DYNC2H1: variants seen among roughly 807,000 people sequenced by gnomAD.
DYNC2H1 encodes dynein cytoplasmic 2 heavy chain 1.
In DYNC2H1, 410 loss-of-function variants were observed where a neutral mutation model predicts 570.0. The ratio of observed to expected loss-of-function variants is 0.72; its 90% CI spans 0.66 to 0.78. DYNC2H1 has a LOEUF of 0.78. Among genes scored for constraint, DYNC2H1 ranks in the 30% least tolerant of loss-of-function variants. DYNC2H1 has a pLI of 0.00. For missense variants in DYNC2H1, 4,865 were observed against 5,046.4 expected (o/e 0.96, Z 1.09); for synonymous variants, 1,688 against 1,677.6 (o/e 1.01, Z -0.15).
chr11:103,449,787 T>A (rs967699871), intron 85 of DYNC2H1, among the ~76,000 whole-genome samples: 2 of 152,128 alleles, frequency 1.3e-5, no homozygotes, highest in Non-Finnish European at 2.9e-5. Context: ...AACACTGAAA[T>A]GTTTACCTAC....
chr11:103,422,352 T>C (rs1198410259), intron 84 of DYNC2H1, among the ~76,000 whole-genome samples: 5 of 152,064 alleles, frequency 3.3e-5, no homozygotes, highest in Non-Finnish European at 1.5e-5. Context: ...AAAGCCAACA[T>C]CATGCTGACA....
intron 11 of DYNC2H1, among the ~76,000 whole-genome samples, chr11:103,124,584 T>A (rs1307485933): frequency 6.6e-6 from 1 of 152,094 alleles, no homozygotes; most frequent in Non-Finnish European, 1.5e-5. Flanking sequence ...AAAGTAATAT[T>A]TGCTATTATA....
chr11:103,387,763 C>G (rs1054253410), intron 83 of DYNC2H1, among the ~76,000 whole-genome samples: 1 of 152,164 alleles, frequency 6.6e-6, no homozygotes, highest in Admixed American at 6.5e-5. Flanking sequence ...ATAGGGAATC[C>G]TTTCCCCATT....
Position 103,135,915 on chromosome 11 carries a change from T to G in DYNC2H1, c.2541T>G (p.Phe847Leu), listed in dbSNP as rs1339010189. Residue 847 changes from phenylalanine to leucine, a missense_variant, in exon 17 of 89, where the codon TTT becomes TTG. By Grantham distance (22) the Phe-to-Leu change is conservative. This residue lies in a region of DYNC2H1 where 1,936 missense variants were observed against 1,962.1 expected (regional missense o/e 0.99). Transcript: ENST00000375735. ...TTTTCAGCAAAGCAGAAGATCTGTT[T>G]AGAAGATTGTCAGCTGTTTTACACC... Reference protein sequence around the residue: ...LTIFSKAEDLFRRLSAVLHQH... With the variant: ...LTIFSKAEDLLRRLSAVLHQH... The G allele has an allele frequency of 6.2e-7, 1 of 1,610,642 alleles. No individual in the cohort carries two copies. Among genetic ancestry groups the G allele is most frequent in the East Asian group, 2.2e-5 (1 of 44,806 alleles).
chr11:103,143,242 A>T (rs377404939), intron 17 of DYNC2H1, 26 bp from the exon 18 acceptor site: 16 of 1,606,736 alleles, frequency 1.0e-5, no homozygotes, highest in African/African-American at 1.3e-5. Context: ...TGTCTTTAAT[A>T]ATACATTTTT....
At chr11:103,471,500 A>C (rs1236473530) in intron 88 of DYNC2H1, among the ~76,000 whole-genome samples, 3 of 152,238 alleles carry the variant, frequency 2.0e-5, no homozygotes, top group Non-Finnish European at 2.9e-5. Flanking sequence ...GAAAATGGAC[A>C]TAATAATGTT....
intron 84 of DYNC2H1, among the ~76,000 whole-genome samples, chr11:103,417,225 G>C (rs530303811): frequency 2.0e-5 from 3 of 152,006 alleles, no homozygotes; most frequent in African/African-American, 7.3e-5. Flanking sequence ...GACTACAGGC[G>C]CATGCCACCA....
intron 2 of DYNC2H1, 81 bp from the exon 3 acceptor site, chr11:103,114,022 G>A: frequency 6.5e-7 from 1 of 1,530,496 alleles, no homozygotes; most frequent in East Asian, 2.4e-5. Flanking sequence ...GAAAAATGGG[G>A]TTTTGGACAG....
chr11:103,425,983 T>C (rs1421232040), intron 84 of DYNC2H1, among the ~76,000 whole-genome samples: 1 of 152,072 alleles, frequency 6.6e-6, no homozygotes, highest in African/African-American at 2.4e-5. Flanking sequence ...GACATGTACG[T>C]GATGGCCATG....
chr11:103,155,467 C>T lies in DYNC2H1; in HGVS notation c.3710C>T (p.Ala1237Val). 1 of 1,611,176 alleles carries T rather than the reference C, an allele frequency of 6.2e-7. No homozygotes were observed. The highest frequency in any genetic ancestry group is 8.5e-7 in the Non-Finnish European group (1 of 1,178,668). Residue 1237 changes from alanine to valine, a missense_variant, in exon 25 of 89, where the codon GCT (alanine) becomes GTT (valine). Physicochemically the swap from Ala to Val is moderately conservative, Grantham distance 64 (BLOSUM62 0). This residue lies in a region of DYNC2H1 where 1,936 missense variants were observed against 1,962.1 expected (regional missense o/e 0.99). Transcript: ENST00000375735. ...KLLFGDLLRV[A>V]DTIVAKAADL... The stretch of plus-strand genomic sequence containing the variant: ...CTGTTTGGTGATTTGCTCAGAGTAG[C>T]TGATACAATTGTAGCCAAAGCTGCC...
In DYNC2H1 at chr11:103,303,182, C is replaced by T. The variant is rs199766341; in HGVS notation, c.11185C>T (p.Pro3729Ser). ...TGAACCCATCTTGATAATTATTTCT[C>T]CGGGTGCTGATCCTTCTCAGGAACT... ...EIEPILIIIS[P>S]GADPSQELQE... Residue 3729 changes from proline to serine, a missense_variant, in exon 76 of 89, where the codon CCG becomes TCG. Around this residue, in one of 5 missense-constraint regions of DYNC2H1, gnomAD observed 2,401 missense variants for 2,454.6 expected, o/e 0.98. Coordinates refer to ENST00000375735, the MANE Select transcript of DYNC2H1 (RefSeq NM_001377.3). 483 of 1,612,518 alleles carry T rather than the reference C, an allele frequency of 3.0e-4. 1 individual carries two copies. The highest frequency in any genetic ancestry group is 3.5e-4 in the Non-Finnish European group (417 of 1,179,056).
intron 84 of DYNC2H1, among the ~76,000 whole-genome samples, chr11:103,410,753 T>A (rs1224724657): frequency 6.6e-6 from 1 of 152,102 alleles, no homozygotes; most frequent in Non-Finnish European, 1.5e-5. Flanking sequence ...TGAGGGCAGA[T>A]CTTAAACACT....
rs184463682 is a variant in DYNC2H1 at position 103,225,864 on chromosome 11, C to T, written c.9353+2778C>T. Reference sequence around the variant, plus strand: ...GGCAGTATGGTCATTTTCACAATATCGATTCTGCCCATCTGTGAGCATGGG... The same window carrying T: ...GGCAGTATGGTCATTTTCACAATATTGATTCTGCCCATCTGTGAGCATGGG... On this transcript the variant is annotated intron_variant, in intron 59 of 88. Coordinates refer to ENST00000375735, the MANE Select transcript of DYNC2H1 (RefSeq NM_001377.3). Among the ~76,000 whole-genome samples the T allele has an allele frequency of 7.9e-5, 12 of 151,976 alleles. No individual in the cohort carries two copies. In the East Asian group the frequency reaches 1.2e-3, roughly 15 times the overall value.
At position 103,135,903 on chromosome 11, in the gene DYNC2H1, A is replaced by G; in HGVS notation, c.2529A>G (p.Ala843=). The G allele has an allele frequency of 4.3e-6, 7 of 1,612,856 alleles. No homozygotes were observed. Among genetic ancestry groups the G allele is most frequent in the Non-Finnish European group, 5.9e-6 (7 of 1,179,344 alleles). ...GATTTTTGACGATTTTCAGCAAAGC[A>G]GAAGATCTGTTTAGAAGATTGTCAG... ...ASGFLTIFSK[A]EDLFRRLSAV... Residue 843 remains alanine, a synonymous_variant, in exon 17 of 89, where the codon GCA becomes GCG. Transcript: ENST00000375735.
intron 83 of DYNC2H1, among the ~76,000 whole-genome samples, chr11:103,380,610 G>A (rs1941604654): frequency 6.6e-6 from 1 of 152,126 alleles, no homozygotes; most frequent in Non-Finnish European, 1.5e-5. Context: ...ACCCAGGGTG[G>A]AGTACAGTGG....
chr11:103,431,893 G>A (rs1039095560), intron 84 of DYNC2H1, among the ~76,000 whole-genome samples: 1 of 152,152 alleles, frequency 6.6e-6, no homozygotes, highest in Non-Finnish European at 1.5e-5. Context: ...GTGGGGCACT[G>A]TCGTAGAGAA....
intron 82 of DYNC2H1, among the ~76,000 whole-genome samples, chr11:103,339,952 G>A (rs1264205473): frequency 6.6e-6 from 1 of 152,198 alleles, no homozygotes; most frequent in Non-Finnish European, 1.5e-5. Context: ...GCAGCACTGA[G>A]TTCCAATGCA....
intron 83 of DYNC2H1, among the ~76,000 whole-genome samples, chr11:103,394,066 C>G: frequency 6.6e-6 from 1 of 152,146 alleles, no homozygotes; most frequent in African/African-American, 2.4e-5. Context: ...CTCTTTTAGC[C>G]TTGGCTTTAC....
chr11:103,140,581 C>T (rs2134812416), intron 17 of DYNC2H1, among the ~76,000 whole-genome samples: 1 of 152,320 alleles, frequency 6.6e-6, no homozygotes, highest in South Asian at 2.1e-4. Flanking sequence ...GAGAGATCCC[C>T]TGTTAGTCTG....
Sources: gnomAD v4.1 joint callset for allele counts (sites outside exome capture counted in the v4.1 genomes callset) on GRCh38, gnomAD v4.1.1 for gene constraint, gnomAD v4.1.1 regional missense constraint, MANE v1.5 for transcripts, NCBI Gene and HGNC (gene_info 2026-07-23, HGNC 2026-07-21) for gene names.